THRB: variants seen among roughly 807,000 people sequenced by gnomAD.
THRB encodes the protein thyroid hormone receptor beta.
Under a neutral mutation model 47.8 loss-of-function variants are expected in THRB, and 12 were observed. The observed-to-expected ratio is 0.25, with a 90% CI of 0.16 to 0.41. The LOEUF (loss-of-function observed/expected upper bound fraction) is 0.41, where lower values mean the gene tolerates loss of function less well. Among genes scored for constraint, THRB ranks in the 10% least tolerant of loss-of-function variants. The probability of loss-of-function intolerance (pLI) is 1.00; values close to 1 mark genes in which losing one functional copy is unlikely to be tolerated. For synonymous variants in THRB, 218 were observed against 212.2 expected, an observed-to-expected ratio of 1.03 and a Z score of -0.24; for missense variants, 348 against 589.2, an observed-to-expected ratio of 0.59 and a Z score of 4.24.
chr3:24,133,313 C>T lies in THRB; in HGVS notation c.885+3G>A, dbSNP rs2034156393. On this transcript the variant is annotated splice_donor_region_variant and intron_variant, in intron 9 of 10. Coordinates refer to ENST00000646209, the MANE Select transcript of THRB (RefSeq NM_001354712.2). ...AATGCAGAAGGAAAAACAACATCCT[C>T]ACCTCACAAAACATAGGCAACTTTT... 6 of 1,614,078 alleles carry T rather than the reference C, an allele frequency of 3.7e-6. No individual in the cohort carries two copies. In the East Asian group the frequency reaches 1.1e-4, roughly 30 times the overall value.
chr3:24,349,329 T>C (rs75833326), intron 1 of THRB, among the ~76,000 whole-genome samples: 142 of 152,130 alleles, frequency 9.3e-4, no homozygotes, highest in Non-Finnish European at 1.7e-3. Flanking sequence ...AGTCTTGGGT[T>C]TTTTTTTCTG....
At chr3:24,288,442 G>C (rs542030058) in intron 3 of THRB, among the ~76,000 whole-genome samples, 5 of 152,264 alleles carry the variant, frequency 3.3e-5, no homozygotes, top group African/African-American at 1.2e-4. Flanking sequence ...GGTTCTGCAG[G>C]ATTCTGTCTA....
At chr3:24,145,173 T>C (rs1373174607) in intron 7 of THRB, among the ~76,000 whole-genome samples, 2 of 151,860 alleles carry the variant, frequency 1.3e-5, no homozygotes, top group Admixed American at 1.3e-4. Flanking sequence ...GACTGTTGTA[T>C]TTGATGAACA....
At chr3:24,378,695 T>C (rs1024526717) in intron 1 of THRB, among the ~76,000 whole-genome samples, 5 of 152,102 alleles carry the variant, frequency 3.3e-5, no homozygotes, top group East Asian at 1.9e-4. Context: ...ACAGGAAATA[T>C]ATGAACTGAG....
chr3:24,280,226 G>T (rs565578083), intron 3 of THRB, among the ~76,000 whole-genome samples: 87 of 152,230 alleles, frequency 5.7e-4, no homozygotes, highest in African/African-American at 1.9e-3. Flanking sequence ...CTCCCAGCAC[G>T]CAGCTGGAGA....
chr3:24,443,422 C>T (rs571687011), intron 1 of THRB, among the ~76,000 whole-genome samples: 5 of 152,086 alleles, frequency 3.3e-5, no homozygotes, highest in African/African-American at 1.2e-4. Context: ...AATATAATTT[C>T]CATAGGTGCA....
intron 5 of THRB, among the ~76,000 whole-genome samples, chr3:24,169,624 G>C (rs1348831273): frequency 6.7e-6 from 1 of 150,244 alleles, no homozygotes; most frequent in Non-Finnish European, 1.5e-5. Context: ...AAAGCACTTA[G>C]AATGATGACT....
intron 4 of THRB, among the ~76,000 whole-genome samples, chr3:24,194,402 T>G (rs1210589391): frequency 1.3e-5 from 2 of 152,228 alleles, no homozygotes; most frequent in Non-Finnish European, 2.9e-5. Flanking sequence ...GTTATTCATA[T>G]AAATTATGAA....
chr3:24,433,586 T>C (rs1229748718), intron 1 of THRB, among the ~76,000 whole-genome samples: 1 of 152,154 alleles, frequency 6.6e-6, no homozygotes. Context: ...TCCAGAACTG[T>C]AAAATAATAC....
intron 2 of THRB, among the ~76,000 whole-genome samples, chr3:24,314,526 A>G (rs1446229596): frequency 6.6e-6 from 1 of 152,178 alleles, no homozygotes; most frequent in Non-Finnish European, 1.5e-5. Flanking sequence ...TTTTTTTTAA[A>G]TAACATCAAA....
At chr3:24,148,406 C>T (rs962703500) in intron 6 of THRB, among the ~76,000 whole-genome samples, 6 of 152,162 alleles carry the variant, frequency 3.9e-5, no homozygotes, top group Non-Finnish European at 8.8e-5. Context: ...GGATTATAGG[C>T]GTGAGCCACC....
chr3:24,435,567 C>G (rs1231705351), intron 1 of THRB, among the ~76,000 whole-genome samples: 1 of 152,154 alleles, frequency 6.6e-6, no homozygotes, highest in Non-Finnish European at 1.5e-5. Flanking sequence ...TGAGATACCT[C>G]TCACGACATT....
chr3:24,468,913 AT>A (rs1230486906), intron 1 of THRB, among the ~76,000 whole-genome samples: 1 of 152,234 alleles, frequency 6.6e-6, no homozygotes, highest in African/African-American at 2.4e-5. Context: ...TTGTAAAAAA[AT>A]AAATTAATAT....
intron 1 of THRB, among the ~76,000 whole-genome samples, chr3:24,391,209 G>C (rs566958217): frequency 2.6e-5 from 4 of 152,246 alleles, no homozygotes; most frequent in Non-Finnish European, 4.4e-5. Flanking sequence ...TCTCAGTATG[G>C]AACATTTAGC....
At chr3:24,294,891 A>G (rs1185662999) in intron 3 of THRB, among the ~76,000 whole-genome samples, 4 of 152,242 alleles carry the variant, frequency 2.6e-5, no homozygotes, top group Admixed American at 1.3e-4. Context: ...CTGCTTTCTA[A>G]TAATACACTG....
At chr3:24,482,528 T>TG (rs1357785943) in intron 1 of THRB, among the ~76,000 whole-genome samples, 25 of 149,162 alleles carry the variant, frequency 1.7e-4, no homozygotes, top group African/African-American at 6.3e-4. Flanking sequence ...TCTTTCTTTC[T>TG]TTCTGTCTCC....
chr3:24,174,015 C>T (rs983978042), intron 5 of THRB, among the ~76,000 whole-genome samples: 5 of 152,088 alleles, frequency 3.3e-5, no homozygotes, highest in Admixed American at 6.5e-5. Context: ...TGACTGGCCA[C>T]ATTTTAAAAA....
intron 10 of THRB, among the ~76,000 whole-genome samples, chr3:24,126,828 G>A (rs1166197063): frequency 1.3e-5 from 2 of 152,242 alleles, no homozygotes; most frequent in Non-Finnish European, 2.9e-5. Context: ...CCAATCCAGT[G>A]TGGATGAAGG....
chr3:24,254,369 A>G (rs2051019821), intron 3 of THRB, among the ~76,000 whole-genome samples: 1 of 151,376 alleles, frequency 6.6e-6, no homozygotes, highest in Non-Finnish European at 1.5e-5. Flanking sequence ...CAGGCTGGGC[A>G]ACAGAGGGAG....
Sources: gnomAD v4.1 joint callset for allele counts (sites outside exome capture counted in the v4.1 genomes callset) on GRCh38, gnomAD v4.1.1 for gene constraint, MANE v1.5 for transcripts, NCBI Gene and HGNC (gene_info 2026-07-23, HGNC 2026-07-21) for gene names.